Variants in CPS1 observed in about 807,000 individuals in gnomAD.
The protein encoded by CPS1 is carbamoyl-phosphate synthase [ammonia], mitochondrial.
Under a neutral mutation model 174.6 loss-of-function variants are expected in CPS1, and 109 were observed. The observed-to-expected ratio is 0.62, with a 90% CI of 0.53 to 0.73. The LOEUF (loss-of-function observed/expected upper bound fraction) is 0.73, where lower values mean the gene tolerates loss of function less well. Among genes scored for constraint, CPS1 ranks in the 30% least tolerant of loss-of-function variants. The pLI, the probability that CPS1 is intolerant of heterozygous loss-of-function variation, is 0.00. For synonymous variants in CPS1, 637 were observed against 632.0 expected (o/e 1.01, Z -0.12); for missense variants, 1,689 against 1,821.9 (o/e 0.93, Z 1.33).
chr2:210,574,021 C>T (rs1013683504), intron 2 of CPS1, among the ~76,000 whole-genome samples: 4 of 151,786 alleles, frequency 2.6e-5, no homozygotes, highest in Non-Finnish European at 5.9e-5. Flanking sequence ...GCAATGAAAA[C>T]GAGAGTTGCT....
chr2:210,651,975 G>T (rs542281033), intron 28 of CPS1, among the ~76,000 whole-genome samples: 1 of 152,298 alleles, frequency 6.6e-6, no homozygotes, highest in South Asian at 2.1e-4. Flanking sequence ...TAAATATGAT[G>T]AGCAATGAAC....
chr2:210,587,366 C>T (rs764194941), intron 6 of CPS1, among the ~76,000 whole-genome samples: 36 of 152,006 alleles, frequency 2.4e-4, no homozygotes, highest in Admixed American at 2.6e-4. Context: ...ATTATTTCTC[C>T]TTTTATGACT....
At position 210,678,497 on chromosome 2, in the gene CPS1, C is replaced by A. The variant is rs1701604868; in HGVS notation, c.*512C>A. The stretch of plus-strand genomic sequence containing the variant: ...CTTCTTTTTGGATCCTCATTCTCAC[C>A]CATTTGGCTAATCCAGGAATATTGT... On this transcript the variant is annotated 3_prime_UTR_variant, in exon 38 of 38. Transcript: ENST00000233072. The A allele has an allele frequency of 1.2e-5, 2 of 172,244 alleles. No homozygotes were observed. The highest frequency in any genetic ancestry group is 1.1e-4 in the Admixed American group (2 of 17,748). 10.7% of individuals were successfully genotyped at this position (172,244 alleles called of 1,614,324 possible).
chr2:210,515,349 G>GTT lies in CPS1; in HGVS notation c.3+37591_3+37592dup, dbSNP rs142776007. On this transcript the variant is annotated intron_variant, in intron 1 of 38. Coordinates refer to the CPS1 transcript ENST00000430249. ...CTGTAGAGCTTTTTTTGGTTGGTAG[G>GTT]TTTTTTTTTATTACTGATTCAATTT... 4.0e-3 allele frequency among the ~76,000 whole-genome samples: 606 copies of GTT among 150,128 alleles called. 3 individuals carry two copies. The highest frequency in any genetic ancestry group is 7.1e-3 in the Non-Finnish European group (474 of 67,176).
At chr2:210,479,381 T>G (rs1460860212) in intron 1 of CPS1, among the ~76,000 whole-genome samples, 1 of 149,212 alleles carries the variant, frequency 6.7e-6, no homozygotes, top group Non-Finnish European at 1.5e-5. Flanking sequence ...CAGGCTGGAG[T>G]GCAGTGGCAC....
At chr2:210,608,299 G>C in intron 18 of CPS1, 62 bp from the exon 19 acceptor site, 1 of 1,484,300 alleles carries the variant, frequency 6.7e-7, no homozygotes, top group Non-Finnish European at 9.4e-7. Flanking sequence ...ACCAATTTAT[G>C]TTTTGGTCTG....
At chr2:210,626,859 C>T (rs1488123169) in intron 21 of CPS1, among the ~76,000 whole-genome samples, 8 of 152,100 alleles carry the variant, frequency 5.3e-5, no homozygotes, top group East Asian at 1.9e-4. Flanking sequence ...TGTATATCTC[C>T]GGTGACCTTA....
At chr2:210,506,202 C>G (rs1453891967) in intron 1 of CPS1, among the ~76,000 whole-genome samples, 1 of 152,078 alleles carries the variant, frequency 6.6e-6, no homozygotes, top group Non-Finnish European at 1.5e-5. Context: ...GAGGAACGAT[C>G]GGGCAGCAAC....
At chr2:210,594,745 G>A in intron 12 of CPS1, 139 bp downstream of exon 12, 1 of 680,930 alleles carries the variant, frequency 1.5e-6, no homozygotes, top group South Asian at 1.6e-5. Context: ...CTGTCATTTT[G>A]TAACTAATTA....
chr2:210,617,274 C>T (rs1441856149), intron 21 of CPS1, among the ~76,000 whole-genome samples: 1 of 152,010 alleles, frequency 6.6e-6, no homozygotes, highest in Non-Finnish European at 1.5e-5. Flanking sequence ...CATTTATTAG[C>T]AGATTAAGAA....
At chr2:210,616,402 T>C (rs1699305531) in intron 20 of CPS1, 21 bp from the exon 21 acceptor site, 2 of 1,507,760 alleles carry the variant, frequency 1.3e-6, no homozygotes, top group Admixed American at 3.4e-5. Context: ...CCAAAGAAAG[T>C]ATCTCTTCTC....
At chr2:210,668,104 GTA>G (rs1491013362) in intron 33 of CPS1, 80 bp from the exon 34 acceptor site, 3 of 811,170 alleles carry the variant, frequency 3.7e-6, no homozygotes, top group African/African-American at 1.7e-5. Flanking sequence ...GTGTGTGTGT[GTA>G]TTTTAATTTT....
At chr2:210,586,939 A>G (rs1698131163) in intron 6 of CPS1, among the ~76,000 whole-genome samples, 2 of 152,030 alleles carry the variant, frequency 1.3e-5, no homozygotes. Context: ...CTAGATGGTA[A>G]TATTGCTTTA....
At chr2:210,523,633 A>G (rs1695886836) in intron 1 of CPS1, among the ~76,000 whole-genome samples, 1 of 151,974 alleles carries the variant, frequency 6.6e-6, no homozygotes, top group South Asian at 2.1e-4. Flanking sequence ...ACTTAAGATA[A>G]TGGTCTTCAT....
At chr2:210,488,011 CT>C (rs1328999567) in intron 1 of CPS1, among the ~76,000 whole-genome samples, 1 of 152,214 alleles carries the variant, frequency 6.6e-6, no homozygotes, top group African/African-American at 2.4e-5. Flanking sequence ...ATCTAAACCT[CT>C]CTCAGTACAA....
At chr2:210,539,024 A>T (rs1251839529) in intron 1 of CPS1, among the ~76,000 whole-genome samples, 1 of 152,150 alleles carries the variant, frequency 6.6e-6, no homozygotes, top group Non-Finnish European at 1.5e-5. Flanking sequence ...TTTACTGCGT[A>T]TATTGTTGTA....
intron 1 of CPS1, among the ~76,000 whole-genome samples, chr2:210,496,815 C>A (rs1695003035): frequency 6.6e-6 from 1 of 152,172 alleles, no homozygotes; most frequent in African/African-American, 2.4e-5. Flanking sequence ...ACCTTCTCAG[C>A]AACATCCTTC....
chr2:210,659,386 C>T (rs1398189307), intron 31 of CPS1, among the ~76,000 whole-genome samples: 1 of 152,066 alleles, frequency 6.6e-6, no homozygotes, highest in Non-Finnish European at 1.5e-5. Context: ...TTTTTAACAG[C>T]CCACTGTTGT....
upstream of CPS1, chr2:210,556,514 TCTCTGGACATTAC>T: frequency 7.2e-7 from 1 of 1,396,120 alleles, no homozygotes; most frequent in Non-Finnish European, 9.7e-7. Flanking sequence ...CCATGGAACA[TCTCTGGACATTAC>T]CTCAGGAGGA....
Sources: allele counts gnomAD v4.1 joint callset (sites outside exome capture counted in the v4.1 genomes callset), GRCh38; gene constraint gnomAD v4.1.1; transcripts MANE v1.5; gene names NCBI Gene and HGNC (gene_info 2026-07-23, HGNC 2026-07-21).